BABAM2: variants seen among roughly 807,000 people sequenced by gnomAD.
BABAM2 encodes the protein BRISC and BRCA1 A complex member 2, also known as BRISC and BRCA1-A complex member 2.
Under a neutral mutation model 54.7 loss-of-function variants are expected in BABAM2, and 31 were observed. The observed-to-expected ratio is 0.57, with a 90% CI of 0.43 to 0.77. BABAM2 has a LOEUF of 0.77. Ranked by LOEUF, BABAM2 falls within the 30% of genes least tolerant of loss-of-function variation. The pLI is 0.00. For missense variants in BABAM2, 364 were observed against 455.8 expected (o/e 0.80, Z 1.83); for synonymous variants, 167 against 162.9 (o/e 1.03, Z -0.19).
chr2:27,955,153 A>G (rs1358538532), intron 3 of BABAM2, among the ~76,000 whole-genome samples: 1 of 152,224 alleles, frequency 6.6e-6, no homozygotes, highest in Non-Finnish European at 1.5e-5. Context: ...CAGGATTCCT[A>G]GCCTTCTTGA....
At chr2:28,058,888 A>G (rs1468973606) in intron 6 of BABAM2, among the ~76,000 whole-genome samples, 2 of 152,030 alleles carry the variant, frequency 1.3e-5, no homozygotes, top group Non-Finnish European at 2.9e-5. Flanking sequence ...TCAGTTGGTG[A>G]TGGATTAGAG....
chr2:27,952,385 C>G (rs748895871), intron 3 of BABAM2, among the ~76,000 whole-genome samples: 7 of 152,102 alleles, frequency 4.6e-5, no homozygotes, highest in Non-Finnish European at 1.0e-4. Flanking sequence ...GAGTGATTCC[C>G]TTTTTGCAAG....
chr2:28,256,178 A>G (rs568826904), intron 10 of BABAM2, among the ~76,000 whole-genome samples: 31 of 152,358 alleles, frequency 2.0e-4, no homozygotes, highest in African/African-American at 7.2e-4. Flanking sequence ...TTTAGCAGAT[A>G]CATAGCTTCT....
intron 2 of BABAM2, among the ~76,000 whole-genome samples, chr2:27,901,893 G>T (rs1665819583): frequency 6.6e-6 from 1 of 151,900 alleles, no homozygotes; most frequent in South Asian, 2.1e-4. Context: ...GTATTATTTT[G>T]CGTGTTTAAA....
At chr2:28,034,329 T>C (rs1676508374) in intron 5 of BABAM2, among the ~76,000 whole-genome samples, 2 of 152,202 alleles carry the variant, frequency 1.3e-5, no homozygotes, top group Non-Finnish European at 2.9e-5. Flanking sequence ...ATAACTACAT[T>C]GTTGTCTGGA....
At chr2:28,031,044 C>T (rs559802586) in intron 5 of BABAM2, among the ~76,000 whole-genome samples, 40 of 152,176 alleles carry the variant, frequency 2.6e-4, no homozygotes, top group African/African-American at 8.9e-4. Context: ...GATTTGCAAA[C>T]ATTAAAATAA....
At position 28,146,989 on chromosome 2, in the gene BABAM2, G is replaced by A. The variant is rs77430231; in HGVS notation, c.680+17609G>A. On this transcript the variant is annotated intron_variant, in intron 7 of 11. Transcript: ENST00000379624. ...GTAGGGTCTGGAGGATCTGCCCATCGCAGACCTAAAATTCCGTAGTCTTTT... is the reference window on the plus strand; with the variant it reads ...GTAGGGTCTGGAGGATCTGCCCATCACAGACCTAAAATTCCGTAGTCTTTT... Among the ~76,000 whole-genome samples, 517 of 152,282 alleles carry A rather than the reference G, an allele frequency of 3.4e-3. 4 individuals are homozygous for A. The highest frequency in any genetic ancestry group is 5.3e-3 in the Non-Finnish European group (363 of 68,010).
intron 7 of BABAM2, among the ~76,000 whole-genome samples, chr2:28,190,145 A>T (rs1676746259): frequency 1.3e-5 from 2 of 152,250 alleles, no homozygotes; most frequent in African/African-American, 4.8e-5. Flanking sequence ...ATTAACTCAA[A>T]ATGAATTTAT....
chr2:28,173,763 C>T (rs1323591040), intron 7 of BABAM2, among the ~76,000 whole-genome samples: 1 of 152,156 alleles, frequency 6.6e-6, no homozygotes, highest in East Asian at 1.9e-4. Flanking sequence ...ATCAATTCGT[C>T]GTTTGATAGT....
chr2:28,120,882 AAAG>A (rs1209804667), intron 6 of BABAM2, among the ~76,000 whole-genome samples: 1 of 152,242 alleles, frequency 6.6e-6, no homozygotes, highest in Non-Finnish European at 1.5e-5. Context: ...CCAATTAAGA[AAAG>A]AAGGAGAGAA....
At chr2:28,218,427 G>A (rs918609598) in intron 7 of BABAM2, among the ~76,000 whole-genome samples, 1 of 152,048 alleles carries the variant, frequency 6.6e-6, no homozygotes, top group African/African-American at 2.4e-5. Context: ...TTTTAAATCC[G>A]GAACAGTTTC....
chr2:27,968,464 T>C (rs1313434831), intron 3 of BABAM2, among the ~76,000 whole-genome samples: 1 of 152,200 alleles, frequency 6.6e-6, no homozygotes, highest in East Asian at 1.9e-4. Flanking sequence ...AGTGGGGCCC[T>C]CATGGAGAAC....
intron 3 of BABAM2, among the ~76,000 whole-genome samples, chr2:27,974,360 T>G (rs532600942): frequency 3.2e-4 from 49 of 152,258 alleles, no homozygotes; most frequent in African/African-American, 1.1e-3. Context: ...TATATATGTA[T>G]ACAACATACA....
chr2:28,094,883 C>T (rs902127017), intron 6 of BABAM2, among the ~76,000 whole-genome samples: 5 of 150,598 alleles, frequency 3.3e-5, no homozygotes, highest in African/African-American at 4.9e-5. Context: ...GCAATCTTTT[C>T]ATACCACTAC....
intron 6 of BABAM2, among the ~76,000 whole-genome samples, chr2:28,053,699 A>G (rs1678169906): frequency 6.6e-6 from 1 of 152,102 alleles, no homozygotes; most frequent in Non-Finnish European, 1.5e-5. Flanking sequence ...TAGAGAGCAG[A>G]CAGGACTTAG....
intron 7 of BABAM2, among the ~76,000 whole-genome samples, chr2:28,206,975 T>G (rs753573349): frequency 2.6e-5 from 4 of 152,198 alleles, no homozygotes; most frequent in African/African-American, 4.8e-5. Context: ...AAGCACAGTA[T>G]TCAGTTATTT....
At chr2:28,072,905 A>T (rs146296697) in intron 6 of BABAM2, among the ~76,000 whole-genome samples, 12 of 152,358 alleles carry the variant, frequency 7.9e-5, no homozygotes, top group African/African-American at 2.9e-4. Flanking sequence ...TCACAAGGTT[A>T]ATCTATTTCA....
At chr2:27,990,728 A>C (rs1255031941) in intron 4 of BABAM2, among the ~76,000 whole-genome samples, 1 of 152,082 alleles carries the variant, frequency 6.6e-6, no homozygotes, top group African/African-American at 2.4e-5. Context: ...AAAATATATT[A>C]AATTATAAAT....
intron 5 of BABAM2, among the ~76,000 whole-genome samples, chr2:28,030,424 A>G (rs1558670888): frequency 6.6e-6 from 1 of 152,230 alleles, no homozygotes; most frequent in Non-Finnish European, 1.5e-5. Context: ...AGAATCCTGT[A>G]ACAAGGCAAA....
Sources: allele counts gnomAD v4.1 joint callset (sites outside exome capture counted in the v4.1 genomes callset), GRCh38; gene constraint gnomAD v4.1.1; transcripts MANE v1.5; gene names NCBI Gene and HGNC (gene_info 2026-07-23, HGNC 2026-07-21).